PRDM5: variants seen among roughly 807,000 people sequenced by gnomAD.
PRDM5 encodes the protein PR domain zinc finger protein 5.
A neutral mutation model predicts 81.2 loss-of-function variants in PRDM5; 56 were observed. The ratio of observed to expected loss-of-function variants is 0.69; its 90% CI spans 0.56 to 0.86. The LOEUF is 0.86. Among genes scored for constraint, PRDM5 ranks in the 40% least tolerant of loss-of-function variants. The pLI is 0.00. For missense variants in PRDM5, 697 were observed against 770.1 expected (o/e 0.91, Z 1.12); for synonymous variants, 267 against 256.4 (o/e 1.04, Z -0.39).
chr4:120,745,922 GA>G (rs1393377107), intron 14 of PRDM5, among the ~76,000 whole-genome samples: 2 of 149,450 alleles, frequency 1.3e-5, no homozygotes, highest in African/African-American at 5.0e-5. Context: ...CACAGAATTG[GA>G]AAAAACTACT....
At chr4:120,781,473 T>C (rs761930655) in intron 11 of PRDM5, among the ~76,000 whole-genome samples, 170 bp from the exon 12 acceptor site, 3 of 152,226 alleles carry the variant, frequency 2.0e-5, no homozygotes, top group Non-Finnish European at 4.4e-5. Flanking sequence ...TAATTCACTG[T>C]GTGACTAGGC....
At chr4:120,764,980 T>G (rs1367298826) in intron 13 of PRDM5, among the ~76,000 whole-genome samples, 2 of 152,164 alleles carry the variant, frequency 1.3e-5, no homozygotes, top group Non-Finnish European at 2.9e-5. Context: ...TCGTTTGTGT[T>G]TATAATTCAG....
rs111352368 is a variant in PRDM5, at chr4:120,785,330, AT to A, written c.1189-240del. Among the ~76,000 whole-genome samples, 8,942 of 152,076 alleles carry A rather than the reference AT, an allele frequency of 0.059. 376 individuals are homozygous for A. Among genetic ancestry groups the A allele is most frequent in the Middle Eastern group, 0.15 (44 of 294 alleles). On this transcript the variant is annotated intron_variant, in intron 10 of 15. Transcript: ENST00000264808. ...TAACTTGATAAATAGTAAAAAAAAA[AT>A]ATTCCTATTATCTCAAACTGCTAAT...
chr4:120,799,109 T>C (rs2149285679), intron 9 of PRDM5, among the ~76,000 whole-genome samples: 1 of 152,232 alleles, frequency 6.6e-6, no homozygotes, highest in African/African-American at 2.4e-5. Context: ...TCAGAGCTTA[T>C]TTTTTTAATC....
intron 13 of PRDM5, among the ~76,000 whole-genome samples, chr4:120,756,817 A>G (rs1361060244): frequency 6.6e-6 from 1 of 152,230 alleles, no homozygotes; most frequent in African/African-American, 2.4e-5. Context: ...TTTATTAACA[A>G]TGAAATCCAT....
At chr4:120,891,300 G>C (rs924341955) in intron 2 of PRDM5, among the ~76,000 whole-genome samples, 4 of 151,964 alleles carry the variant, frequency 2.6e-5, no homozygotes, top group African/African-American at 9.7e-5. Flanking sequence ...TTTCTTCTAG[G>C]CTTTCTAATT....
In PRDM5 at chr4:120,754,588, C is replaced by A. The variant is rs1744455249; in HGVS notation, c.1588G>T (p.Asp530Tyr). ...GTACGAATGTGCATCTTCAGTCCAT[C>A]ATTTTTACTGAATCCTTTTTCACAG... Reference protein sequence around the residue: ...PYCEKGFSKNDGLKMHIRTHT... With the variant: ...PYCEKGFSKNYGLKMHIRTHT... Residue 530 changes from aspartate to tyrosine, a missense_variant, in exon 14 of 16, where the codon GAT becomes TAT. Physicochemically the swap from Asp to Tyr is radical, Grantham distance 160. Coordinates refer to ENST00000264808, the MANE Select transcript of PRDM5 (RefSeq NM_018699.4). The A allele has an allele frequency of 6.2e-7, 1 of 1,600,164 alleles. No individual in the cohort carries two copies. The highest frequency in any genetic ancestry group is 1.1e-5 in the South Asian group (1 of 90,804).
At chr4:120,805,213 C>T (rs1035211546) in intron 8 of PRDM5, among the ~76,000 whole-genome samples, 1 of 152,096 alleles carries the variant, frequency 6.6e-6, no homozygotes, top group Admixed American at 6.6e-5. Flanking sequence ...TAATTAATAG[C>T]CTACCAACCA....
intron 13 of PRDM5, among the ~76,000 whole-genome samples, chr4:120,763,466 G>A (rs541401009): frequency 1.1e-3 from 168 of 152,232 alleles, no homozygotes; most frequent in Non-Finnish European, 1.8e-3. Context: ...GTCTTGATGT[G>A]AGTGCTGGCA....
At chr4:120,791,236 A>C (rs1315032227) in intron 10 of PRDM5, among the ~76,000 whole-genome samples, 1 of 152,210 alleles carries the variant, frequency 6.6e-6, no homozygotes, top group African/African-American at 2.4e-5. Flanking sequence ...TTTATATAAA[A>C]GGATGTTCAC....
At chr4:120,810,190 T>C (rs1405053097) in intron 8 of PRDM5, among the ~76,000 whole-genome samples, 1 of 152,148 alleles carries the variant, frequency 6.6e-6, no homozygotes, top group Non-Finnish European at 1.5e-5. Context: ...ACCAAGAAGG[T>C]TGGGAACCAT....
chr4:120,740,412 T>A (rs929906587), intron 14 of PRDM5, among the ~76,000 whole-genome samples: 4 of 152,296 alleles, frequency 2.6e-5, no homozygotes, highest in Admixed American at 2.6e-4. Context: ...CCTCAGGCAC[T>A]TAACCCAGAT....
intron 8 of PRDM5, among the ~76,000 whole-genome samples, chr4:120,805,954 T>C (rs543256513): frequency 6.6e-6 from 1 of 152,304 alleles, no homozygotes; most frequent in Admixed American, 6.5e-5. Flanking sequence ...GAAAACCCCA[T>C]CATCTCAGTC....
chr4:120,825,620 C>T (rs1013769448), intron 3 of PRDM5, among the ~76,000 whole-genome samples: 3 of 152,152 alleles, frequency 2.0e-5, no homozygotes, highest in Non-Finnish European at 2.9e-5. Flanking sequence ...TATCTATGAC[C>T]TGGATTAGTT....
intron 13 of PRDM5, among the ~76,000 whole-genome samples, chr4:120,757,509 G>A (rs957875546): frequency 2.0e-5 from 3 of 149,434 alleles, no homozygotes; most frequent in Non-Finnish European, 4.5e-5. Context: ...TAAGGGATGT[G>A]GCCAGGTAGC....
chr4:120,694,294 T>C lies in PRDM5; in HGVS notation c.*817A>G, dbSNP rs1242997216. ...TGGTTTCTATTTTTAATTATATATA[T>C]TGGTATACTGTTAATTTCTAAAGCT... On this transcript the variant is annotated 3_prime_UTR_variant, in exon 16 of 16. Coordinates refer to ENST00000264808, the MANE Select transcript of PRDM5 (RefSeq NM_018699.4). 1 of 152,122 alleles carries C rather than the reference T, an allele frequency of 6.6e-6. No homozygotes were observed. Among genetic ancestry groups the C allele is most frequent in the Non-Finnish European group, 1.5e-5 (1 of 68,006 alleles). 9.4% of individuals were successfully genotyped at this position (152,122 alleles called of 1,614,324 possible).
At chr4:120,832,016 T>C (rs1312990506) in intron 3 of PRDM5, among the ~76,000 whole-genome samples, 1 of 151,998 alleles carries the variant, frequency 6.6e-6, no homozygotes, top group Admixed American at 6.6e-5. Flanking sequence ...CCTATCAGAG[T>C]CTTTTCCATG....
intron 3 of PRDM5, among the ~76,000 whole-genome samples, chr4:120,834,669 A>C (rs1757134017): frequency 1.3e-5 from 2 of 152,182 alleles, no homozygotes; most frequent in African/African-American, 4.8e-5. Flanking sequence ...TTTTAGATGA[A>C]ATCAACATTT....
intron 2 of PRDM5, among the ~76,000 whole-genome samples, chr4:120,855,435 C>A (rs1248531505): frequency 1.3e-5 from 2 of 152,266 alleles, no homozygotes; most frequent in South Asian, 2.1e-4. Flanking sequence ...CTGAAAAGAT[C>A]TGCTTTGGGA....
Sources: gnomAD v4.1 joint callset for allele counts (sites outside exome capture counted in the v4.1 genomes callset) on GRCh38, gnomAD v4.1.1 for gene constraint, MANE v1.5 for transcripts, NCBI Gene and HGNC (gene_info 2026-07-23, HGNC 2026-07-21) for gene names.